GPRC6A: variants seen among roughly 807,000 people sequenced by gnomAD.
GPRC6A encodes the protein G protein-coupled receptor class C group 6 member A.
GPRC6A carries 54 observed loss-of-function variants against 47.0 expected under a neutral mutation model. The observed-to-expected ratio is 1.15, with a 90% CI of 0.92 to 1.44. The LOEUF is 1.44. GPRC6A is among the 40% of genes most tolerant of loss of function. The pLI is 0.00. For missense variants in GPRC6A, 1,112 were observed against 1,105.5 expected (o/e 1.01, Z -0.08); for synonymous variants, 347 against 377.1 (o/e 0.92, Z 0.93).
chr6:116,802,479 C>T (rs905548761), intron 3 of GPRC6A, among the ~76,000 whole-genome samples: 5 of 152,044 alleles, frequency 3.3e-5, no homozygotes, highest in Admixed American at 3.3e-4. Context: ...CACACATGGC[C>T]AGGAATCACA....
At chr6:116,824,437 A>G (rs1382135342) in intron 1 of GPRC6A, among the ~76,000 whole-genome samples, 1 of 152,056 alleles carries the variant, frequency 6.6e-6, no homozygotes, top group Non-Finnish European at 1.5e-5. Context: ...ACAGAAATAC[A>G]AAAGATTATC....
chr6:116,826,834 G>GAT (rs1378078482), intron 1 of GPRC6A, among the ~76,000 whole-genome samples: 1 of 151,694 alleles, frequency 6.6e-6, no homozygotes, highest in African/African-American at 2.4e-5. Context: ...AAGAAAATGT[G>GAT]ATATATATAC....
rs201143162 is a variant in GPRC6A, at chr6:116,806,793, A to C, written c.912T>G (p.Asn304Lys). ...TGGTAATCTTGGTGGCAGTTGACCA[A>C]TTATCACTAGCAATCCACATCTTAT... ...NINKMWIASD[N>K]WSTATKITTI... The change falls in exon 3 of 6, where the codon AAT becomes AAG. Residue 304 changes from asparagine (N) to lysine (K), a missense_variant. Asn to Lys is a moderately conservative substitution (Grantham distance 94). Coordinates refer to ENST00000310357, the MANE Select transcript of GPRC6A (RefSeq NM_148963.4). 7.8e-4 allele frequency: 1,256 copies of C among 1,613,622 alleles called. 17 individuals are homozygous for C. The South Asian group carries it at 0.013, about 16-fold the overall frequency.
Position 116,806,464 on chromosome 6 carries a change from C to T in GPRC6A, c.1241G>A (p.Ser414Asn), listed in dbSNP as rs1269672381. 9 of 1,613,450 alleles carry T rather than the reference C, an allele frequency of 5.6e-6. No homozygotes were observed. The highest frequency in any genetic ancestry group is 7.6e-6 in the Non-Finnish European group (9 of 1,179,738). The change falls in exon 3 of 6, where the codon AGT becomes AAT. Residue 414 changes from serine to asparagine, a missense_variant. Transcript: ENST00000310357. ...WDYAEPGLIH[S>N]IQLAVFALGY... ...AAGGGCAAACACTGCAAGCTGAATA[C>T]TATGAATGAGTCCTGGCTCAGCATA...
intron 1 of GPRC6A, among the ~76,000 whole-genome samples, chr6:116,813,547 C>T (rs1327797008): frequency 6.6e-6 from 1 of 152,128 alleles, no homozygotes; most frequent in Non-Finnish European, 1.5e-5. Flanking sequence ...GGAAAGCTGG[C>T]TAGCCATATG....
chr6:116,819,774 C>G (rs976412903), intron 1 of GPRC6A, among the ~76,000 whole-genome samples: 1 of 151,172 alleles, frequency 6.6e-6, no homozygotes, highest in Admixed American at 6.6e-5. Flanking sequence ...CCAAAATTGA[C>G]ACCCTAACAT....
intron 1 of GPRC6A, among the ~76,000 whole-genome samples, chr6:116,822,612 CA>C (rs374689363): frequency 0.011 from 1,578 of 142,788 alleles, 25 homozygotes; most frequent in Admixed American, 0.04. Context: ...ATCGCAAGAA[CA>C]AAAAACCAAA....
At chr6:116,800,317 TTTC>T (rs1473112567) in intron 4 of GPRC6A, among the ~76,000 whole-genome samples, 14 of 138,578 alleles carry the variant, frequency 1.0e-4, no homozygotes, top group African/African-American at 2.6e-4. Context: ...CCTTTCTTTC[TTTC>T]TTTTTTCCTT....
chr6:116,816,011 G>T (rs1049981927), intron 1 of GPRC6A, among the ~76,000 whole-genome samples: 9 of 152,200 alleles, frequency 5.9e-5, no homozygotes, highest in African/African-American at 1.4e-4. Context: ...GAAGGCAAAG[G>T]GGGGCGTTAG....
intron 1 of GPRC6A, among the ~76,000 whole-genome samples, chr6:116,812,408 G>A (rs1293063203): frequency 1.3e-5 from 2 of 151,940 alleles, no homozygotes; most frequent in Non-Finnish European, 2.9e-5. Flanking sequence ...TGCTTATCAT[G>A]GTGAAAACAC....
chr6:116,814,737 G>GA (rs1286333921), intron 1 of GPRC6A, among the ~76,000 whole-genome samples: 2 of 151,604 alleles, frequency 1.3e-5, no homozygotes, highest in Admixed American at 1.3e-4. Context: ...ATGTACCCTA[G>GA]AAATTAAAGT....
chr6:116,815,227 A>C (rs1322159656), intron 1 of GPRC6A, among the ~76,000 whole-genome samples: 1 of 152,172 alleles, frequency 6.6e-6, no homozygotes, highest in Non-Finnish European at 1.5e-5. Context: ...TCACCCCTGT[A>C]ATCCCAGCAC....
At chr6:116,813,074 G>A (rs1047939961) in intron 1 of GPRC6A, among the ~76,000 whole-genome samples, 5 of 152,086 alleles carry the variant, frequency 3.3e-5, no homozygotes, top group Non-Finnish European at 7.4e-5. Flanking sequence ...CCTCTTCAAG[G>A]AGAACTACAA....
intron 5 of GPRC6A, 121 bp downstream of exon 5, chr6:116,795,591 C>T: frequency 1.4e-6 from 1 of 720,066 alleles, no homozygotes; most frequent in Non-Finnish European, 2.1e-6. Context: ...TTTAATTTCA[C>T]AGGAGCATGG....
chr6:116,816,128 C>A (rs1262671884), intron 1 of GPRC6A, among the ~76,000 whole-genome samples: 1 of 152,226 alleles, frequency 6.6e-6, no homozygotes, highest in Non-Finnish European at 1.5e-5. Flanking sequence ...TCTCACATTG[C>A]AGAATACAAT....
chr6:116,822,795 G>A (rs1225407529), intron 1 of GPRC6A, among the ~76,000 whole-genome samples: 1 of 149,680 alleles, frequency 6.7e-6, no homozygotes, highest in Non-Finnish European at 1.5e-5. Flanking sequence ...CACCAGCATG[G>A]CACAGGTATA....
chr6:116,798,557 G>A (rs576268266), intron 4 of GPRC6A, among the ~76,000 whole-genome samples: 1 of 152,228 alleles, frequency 6.6e-6, no homozygotes, highest in Admixed American at 6.5e-5. Context: ...AGAGCACTAT[G>A]TTTTACAGGA....
Position 116,829,044 on chromosome 6 carries a change from G to C in GPRC6A, c.-31C>G. On this transcript the variant is annotated 5_prime_UTR_variant, in exon 1 of 6. Coordinates refer to ENST00000310357, the MANE Select transcript of GPRC6A (RefSeq NM_148963.4). ...TATCTCATTTGCTCAGTTCATGTGA[G>C]TTCTTAGGAATCATTAAGTGCACGG... 6.3e-7 allele frequency: 1 copy of C among 1,575,902 alleles called. No individual in the cohort carries two copies. The highest frequency in any genetic ancestry group is 8.6e-7 in the Non-Finnish European group (1 of 1,161,372).
At chr6:116,825,939 ATTCAGG>A (rs781032799) in intron 1 of GPRC6A, among the ~76,000 whole-genome samples, 44 of 151,984 alleles carry the variant, frequency 2.9e-4, no homozygotes, top group Non-Finnish European at 4.7e-4. Context: ...CCAAGAACCT[ATTCAGG>A]GGAAAGGACT....
Sources: allele counts gnomAD v4.1 joint callset (sites outside exome capture counted in the v4.1 genomes callset), GRCh38; gene constraint gnomAD v4.1.1; transcripts MANE v1.5; gene names NCBI Gene and HGNC (gene_info 2026-07-23, HGNC 2026-07-21).